Variants in ABCD3 observed in about 807,000 individuals in gnomAD.
ABCD3 encodes ATP-binding cassette sub-family D member 3.
A neutral mutation model predicts 105.5 loss-of-function variants in ABCD3; 41 were observed. The ratio of observed to expected loss-of-function variants is 0.39; its 90% CI spans 0.30 to 0.50. ABCD3 has a LOEUF of 0.50. ABCD3 is among the 20% of genes least tolerant of loss of function. The pLI is 0.84. For missense variants in ABCD3, 622 were observed against 806.3 expected (o/e 0.77, Z 2.77); for synonymous variants, 258 against 269.0 (o/e 0.96, Z 0.40).
intron 1 of ABCD3, among the ~76,000 whole-genome samples, chr1:94,449,430 A>G (rs1235930281): frequency 6.6e-6 from 1 of 152,238 alleles, no homozygotes; most frequent in African/African-American, 2.4e-5. Context: ...TATTCCTTCA[A>G]CAATGGCTGA....
chr1:94,434,126 T>C (rs610088), intron 1 of ABCD3, among the ~76,000 whole-genome samples: 145,553 of 152,222 alleles, frequency 0.96, 69,990 homozygotes, highest in Non-Finnish European at 1. Flanking sequence ...TTATTGCACA[T>C]GACTGTAGAC....
chr1:94,460,868 A>G lies in ABCD3; in HGVS notation c.147+2225A>G, dbSNP rs969849758. Among the ~76,000 whole-genome samples the G allele has an allele frequency of 3.3e-5, 5 of 152,144 alleles. No homozygotes were observed. The East Asian group carries it at 9.6e-4, about 29-fold the overall frequency. ...CCGTGATCTCTCATGTCTAAGTTCTATCTGAGTAATCAAATGTTAGTTATC... is the reference window on the plus strand; with the variant it reads ...CCGTGATCTCTCATGTCTAAGTTCTGTCTGAGTAATCAAATGTTAGTTATC... On this transcript the variant is annotated intron_variant, in intron 2 of 22. Coordinates refer to ENST00000370214, the MANE Select transcript of ABCD3 (RefSeq NM_002858.4).
At chr1:94,442,996 T>C (rs1660188630) in intron 1 of ABCD3, among the ~76,000 whole-genome samples, 1 of 152,206 alleles carries the variant, frequency 6.6e-6, no homozygotes. Flanking sequence ...GGGGGATTGC[T>C]GGATGGAATG....
the ABCD3 span, among the ~76,000 whole-genome samples, chr1:94,408,376 A>G: frequency 6.6e-6 from 1 of 151,836 alleles, no homozygotes; most frequent in Non-Finnish European, 1.5e-5. Flanking sequence ...TGAGGTGAGG[A>G]GTTTAAGACC....
intron 16 of ABCD3, among the ~76,000 whole-genome samples, chr1:94,491,465 A>G (rs1649533858): frequency 6.6e-6 from 1 of 152,152 alleles, no homozygotes. Flanking sequence ...CTTTTTGCAA[A>G]TGAAGTTTAT....
At chr1:94,474,420 T>A (rs1156475425) in intron 5 of ABCD3, among the ~76,000 whole-genome samples, 1 of 152,194 alleles carries the variant, frequency 6.6e-6, no homozygotes, top group African/African-American at 2.4e-5. Context: ...GGTTCTCATT[T>A]TAATTTTCTT....
In ABCD3 at chr1:94,438,176, A is replaced by G. The variant is rs143859895; in HGVS notation, c.110+19588A>G. 9.0e-3 allele frequency among the ~76,000 whole-genome samples: 1,364 copies of G among 152,002 alleles called. 29 individuals carry two copies. The highest frequency in any genetic ancestry group is 0.031 in the African/African-American group (1,289 of 41,452). On this transcript the variant is annotated intron_variant, in intron 1 of 22. Transcript: ENST00000370214. ...GTGGCATGCGCCTGTAGTCCCAGCT[A>G]CTTGGGAGGCTGAGACAGGGGAATC... is the stretch of plus-strand genomic sequence containing the variant.
At chr1:94,421,558 TAA>T (rs1281458047) in intron 1 of ABCD3, among the ~76,000 whole-genome samples, 1 of 99,384 alleles carries the variant, frequency 1.0e-5, no homozygotes, top group Non-Finnish European at 2.3e-5. Context: ...CTGGGAGCTA[TAA>T]GATGTGTGTG....
intron 22 of ABCD3, among the ~76,000 whole-genome samples, chr1:94,515,405 T>A (rs1650871585): frequency 6.6e-6 from 1 of 152,010 alleles, no homozygotes; most frequent in African/African-American, 2.4e-5. Flanking sequence ...ACAGTTTTTC[T>A]CCAGTTTTAT....
intron 1 of ABCD3, among the ~76,000 whole-genome samples, chr1:94,452,980 C>T (rs549559949): frequency 1.2e-4 from 18 of 152,222 alleles, no homozygotes; most frequent in African/African-American, 3.1e-4. Flanking sequence ...TCAAGTGATC[C>T]GCCCGCCTCT....
At chr1:94,491,012 G>A (rs1649509257) in intron 15 of ABCD3, among the ~76,000 whole-genome samples, 172 bp from the exon 16 acceptor site, 1 of 152,060 alleles carries the variant, frequency 6.6e-6, no homozygotes, top group Admixed American at 6.6e-5. Context: ...CCTGATGACT[G>A]AGATGTTGAG....
At chr1:94,505,159 CAA>C (rs1650289965) in intron 20 of ABCD3, among the ~76,000 whole-genome samples, 1 of 152,076 alleles carries the variant, frequency 6.6e-6, no homozygotes, top group African/African-American at 2.4e-5. Flanking sequence ...AGTAGAAACT[CAA>C]AGAGGAATTT....
At position 94,487,885 on chromosome 1, in the gene ABCD3, A is replaced by G; in HGVS notation, c.1066-7A>G. The G allele has an allele frequency of 1.2e-6, 2 of 1,611,746 alleles. No individual in the cohort carries two copies. The highest frequency in any genetic ancestry group is 1.7e-6 in the Non-Finnish European group (2 of 1,178,020). Reference sequence around the variant, plus strand: ...TAAGTAAAAACTAATATTTATTTCTATTTAAGGATTACTACCAAAGTGGAA... The same window carrying G: ...TAAGTAAAAACTAATATTTATTTCTGTTTAAGGATTACTACCAAAGTGGAA... On this transcript the variant is annotated splice_polypyrimidine_tract_variant and splice_region_variant and intron_variant, in intron 12 of 22. Transcript: ENST00000370214.
chr1:94,444,456 C>T (rs1434959335), intron 1 of ABCD3, among the ~76,000 whole-genome samples: 1 of 152,026 alleles, frequency 6.6e-6, no homozygotes, highest in African/African-American at 2.4e-5. Flanking sequence ...TGAGCCACTG[C>T]ACCTGGCCAT....
At chr1:94,446,235 C>A (rs1419090060) in intron 1 of ABCD3, among the ~76,000 whole-genome samples, 1 of 152,218 alleles carries the variant, frequency 6.6e-6, no homozygotes, top group East Asian at 1.9e-4. Flanking sequence ...AGGCCATTCC[C>A]TCACCCCTGG....
intron 20 of ABCD3, among the ~76,000 whole-genome samples, chr1:94,504,856 A>G (rs925061844): frequency 9.9e-5 from 15 of 152,138 alleles, no homozygotes; most frequent in Non-Finnish European, 1.9e-4. Flanking sequence ...GCTCTGGGCT[A>G]AGGGCATGTT....
At chr1:94,516,751 T>TC (rs1412578781) in intron 22 of ABCD3, among the ~76,000 whole-genome samples, 3 of 151,872 alleles carry the variant, frequency 2.0e-5, no homozygotes, top group African/African-American at 7.2e-5. Flanking sequence ...TAGCTCTTTT[T>TC]CCCCTCTACT....
intron 3 of ABCD3, among the ~76,000 whole-genome samples, chr1:94,465,153 C>T (rs955188036): frequency 6.6e-6 from 1 of 152,158 alleles, no homozygotes; most frequent in Non-Finnish European, 1.5e-5. Context: ...TGAGAACTCA[C>T]TCACTGTCTG....
chr1:94,444,583 A>AT (rs1472196444), intron 1 of ABCD3, among the ~76,000 whole-genome samples: 4 of 152,140 alleles, frequency 2.6e-5, no homozygotes, highest in Non-Finnish European at 5.9e-5. Context: ...GAGCCTACAG[A>AT]TTTTTTGTTA....
Sources: allele counts gnomAD v4.1 joint callset (sites outside exome capture counted in the v4.1 genomes callset), GRCh38; gene constraint gnomAD v4.1.1; transcripts MANE v1.5; gene names NCBI Gene and HGNC (gene_info 2026-07-23, HGNC 2026-07-21).